Variants in AGMO observed in about 807,000 individuals in gnomAD.
AGMO encodes the protein glyceryl-ether monooxygenase.
A neutral mutation model predicts 60.2 loss-of-function variants in AGMO; 75 were observed. That is an observed-to-expected ratio of 1.25 (90% CI 1.03 to 1.51). The LOEUF is 1.51. AGMO is among the 40% of genes most tolerant of loss of function. AGMO has a pLI of 0.00. For missense variants in AGMO, 763 were observed against 525.5 expected (o/e 1.45, Z -4.42); for synonymous variants, 261 against 177.1 (o/e 1.47, Z -3.76).
intron 3 of AGMO, among the ~76,000 whole-genome samples, chr7:15,529,238 A>T (rs183659684): frequency 7.2e-4 from 110 of 151,942 alleles, no homozygotes; most frequent in African/African-American, 2.5e-3. Context: ...ATCATGTAGT[A>T]CTGGGGTGGT....
intron 10 of AGMO, among the ~76,000 whole-genome samples, chr7:15,375,569 G>C (rs1158887392): frequency 6.6e-6 from 1 of 151,812 alleles, no homozygotes; most frequent in Non-Finnish European, 1.5e-5. Context: ...GCTAATTTTT[G>C]TATTTTTAGC....
At chr7:15,420,147 A>T (rs1284993225) in intron 4 of AGMO, among the ~76,000 whole-genome samples, 1 of 152,098 alleles carries the variant, frequency 6.6e-6, no homozygotes, top group Non-Finnish European at 1.5e-5. Flanking sequence ...ATAATTTCCC[A>T]AAGTGTGGAG....
chr7:15,203,968 A>G (rs537462467), intron 12 of AGMO, among the ~76,000 whole-genome samples: 85 of 152,228 alleles, frequency 5.6e-4, no homozygotes, highest in Admixed American at 4.3e-3. Flanking sequence ...TTCACTATCA[A>G]TATTTTAAGA....
At chr7:15,560,318 A>C (rs762917233) in intron 1 of AGMO, 47 bp from the exon 2 acceptor site, 1 of 1,575,534 alleles carries the variant, frequency 6.3e-7, no homozygotes. Flanking sequence ...TTCCATATGA[A>C]ATTATTTTAC....
chr7:15,499,474 T>C (rs575572300), intron 3 of AGMO, among the ~76,000 whole-genome samples: 1 of 151,974 alleles, frequency 6.6e-6, no homozygotes, highest in Admixed American at 6.6e-5. Context: ...GGCTGGCAAA[T>C]ATCTAAAAGC....
At chr7:15,352,663 C>A (rs1047664932) in intron 12 of AGMO, among the ~76,000 whole-genome samples, 1 of 151,778 alleles carries the variant, frequency 6.6e-6, no homozygotes, top group Non-Finnish European at 1.5e-5. Flanking sequence ...AGCTTACAGG[C>A]AACAGCAAGC....
chr7:15,382,602 G>A (rs1307293453), intron 10 of AGMO, among the ~76,000 whole-genome samples: 2 of 152,192 alleles, frequency 1.3e-5, no homozygotes, highest in African/African-American at 4.8e-5. Context: ...GTCAAAAGCT[G>A]TAAGGGCAGG....
chr7:15,342,265 G>A (rs1284045181), intron 12 of AGMO, among the ~76,000 whole-genome samples: 1 of 148,832 alleles, frequency 6.7e-6, no homozygotes. Context: ...AGCTGAGAAA[G>A]CCATGGTCAG....
intron 3 of AGMO, among the ~76,000 whole-genome samples, chr7:15,478,457 G>A (rs1195544473): frequency 1.3e-5 from 2 of 152,062 alleles, no homozygotes; most frequent in Non-Finnish European, 2.9e-5. Flanking sequence ...ACTCACTGTG[G>A]GTCAGACTGT....
intron 12 of AGMO, among the ~76,000 whole-genome samples, chr7:15,278,114 A>G (rs1783851681): frequency 1.3e-5 from 2 of 151,920 alleles, no homozygotes; most frequent in African/African-American, 4.8e-5. Context: ...AAGCCGTGGA[A>G]TACATCTGTC....
chr7:15,279,156 G>A lies in AGMO; in HGVS notation c.1264-77797C>T, dbSNP rs560574480. Among the ~76,000 whole-genome samples the A allele has an allele frequency of 1.8e-4, 27 of 152,224 alleles. 1 individual carries two copies. The South Asian group carries it at 5.2e-3, about 29-fold the overall frequency. ...ACTCTGCAGACCCAGGTTTGGGGGA[G>A]GAGGCTCTCCCCCGTCTAGAATTGT... On this transcript the variant is annotated intron_variant, in intron 12 of 12. Coordinates refer to ENST00000342526, the MANE Select transcript of AGMO (RefSeq NM_001004320.2).
intron 12 of AGMO, among the ~76,000 whole-genome samples, chr7:15,351,730 T>A (rs1412544422): frequency 2.6e-5 from 4 of 152,150 alleles, no homozygotes; most frequent in South Asian, 2.1e-4. Flanking sequence ...TAAAAATAAA[T>A]TTATAGCAGC....
chr7:15,401,225 A>C (rs1784544851), intron 5 of AGMO, among the ~76,000 whole-genome samples: 1 of 152,168 alleles, frequency 6.6e-6, no homozygotes, highest in African/African-American at 2.4e-5. Context: ...CAAAGCATCA[A>C]AATAAATATT....
intron 12 of AGMO, among the ~76,000 whole-genome samples, chr7:15,289,304 T>C (rs1208157875): frequency 6.6e-6 from 1 of 150,662 alleles, no homozygotes; most frequent in African/African-American, 2.4e-5. Context: ...TAGAATTAAA[T>C]GATAAATTAT....
chr7:15,358,448 A>G (rs1406884916), intron 12 of AGMO: 2 of 470,932 alleles, frequency 4.2e-6, no homozygotes, highest in African/African-American at 4.0e-5. Flanking sequence ...GGTGTTTCCT[A>G]AAGGGTGAGA....
chr7:15,409,347 C>T (rs1784781155), intron 5 of AGMO, among the ~76,000 whole-genome samples: 1 of 151,900 alleles, frequency 6.6e-6, no homozygotes, highest in Non-Finnish European at 1.5e-5. Flanking sequence ...CCACCAGGGT[C>T]TAACAAGTGA....
chr7:15,227,149 T>C (rs1370435991), intron 12 of AGMO, among the ~76,000 whole-genome samples: 3 of 152,084 alleles, frequency 2.0e-5, no homozygotes, highest in African/African-American at 7.2e-5. Context: ...AACTTTGAAC[T>C]CCTGCATACC....
intron 12 of AGMO, among the ~76,000 whole-genome samples, chr7:15,246,397 C>T (rs564896040): frequency 1.7e-4 from 26 of 152,092 alleles, no homozygotes; most frequent in Non-Finnish European, 3.4e-4. Context: ...TGATAAAATC[C>T]TGTTTTTTAT....
the AGMO span, among the ~76,000 whole-genome samples, chr7:15,166,841 C>T: frequency 3.3e-5 from 5 of 152,128 alleles, no homozygotes; most frequent in African/African-American, 1.2e-4. Context: ...AGAACTTTGG[C>T]ATTTCTGACA....
Sources: allele counts gnomAD v4.1 joint callset (sites outside exome capture counted in the v4.1 genomes callset), GRCh38; gene constraint gnomAD v4.1.1; transcripts MANE v1.5; gene names NCBI Gene and HGNC (gene_info 2026-07-23, HGNC 2026-07-21).